The following ZNF98 variants were observed in gnomAD, a reference collection of about 807,000 sequenced individuals.
The protein encoded by ZNF98 is zinc finger protein 739.
Under a neutral mutation model 12.8 loss-of-function variants are expected in ZNF98, and 8 were observed. That is an observed-to-expected ratio of 0.63 (90% CI 0.37 to 1.13). The LOEUF (loss-of-function observed/expected upper bound fraction) is 1.13. Among genes scored for constraint, ZNF98 ranks in the 50% most tolerant of loss-of-function variants. The pLI, the probability that ZNF98 is intolerant of heterozygous loss-of-function variation, is 0.01. For synonymous variants in ZNF98, 112 were observed against 223.5 expected (o/e 0.50, Z 4.45); for missense variants, 379 against 666.1 (o/e 0.57, Z 4.74).
intron 1 of ZNF98, among the ~76,000 whole-genome samples, chr19:22,415,019 TAAAC>T (rs1023646404): frequency 1.3e-5 from 2 of 151,756 alleles, no homozygotes; most frequent in Non-Finnish European, 2.9e-5. Context: ...ATAAGAAACT[TAAAC>T]AAGTTTACAG....
At chr19:22,407,871 A>G (rs1415950043) in intron 1 of ZNF98, among the ~76,000 whole-genome samples, 1 of 151,922 alleles carries the variant, frequency 6.6e-6, no homozygotes, top group African/African-American at 2.4e-5. Flanking sequence ...GGAGTTCGAG[A>G]CCAGCCTGAC....
chr19:22,405,269 TAAA>T (rs71180544), intron 1 of ZNF98, among the ~76,000 whole-genome samples: 47 of 123,564 alleles, frequency 3.8e-4, no homozygotes, highest in Non-Finnish European at 3.6e-4. Flanking sequence ...CATGCTTAGC[TAAA>T]AAAAAAAAAA....
intron 1 of ZNF98, among the ~76,000 whole-genome samples, chr19:22,410,056 C>G (rs1228311192): frequency 6.6e-6 from 1 of 151,914 alleles, no homozygotes; most frequent in African/African-American, 2.4e-5. Context: ...CAATGAGATA[C>G]CATCTCACAC....
At chr19:22,402,545 T>C (rs1378038274) in intron 3 of ZNF98, 1 of 468,890 alleles carries the variant, frequency 2.1e-6, no homozygotes, top group Non-Finnish European at 3.7e-6. Flanking sequence ...AAGAGGGCTG[T>C]CTTGGCTGTC....
intron 1 of ZNF98, among the ~76,000 whole-genome samples, chr19:22,415,103 CAT>C (rs1341020471): frequency 2.0e-5 from 3 of 152,062 alleles, no homozygotes; most frequent in African/African-American, 4.8e-5. Context: ...AGAAGACACA[CAT>C]GTGGCTAACA....
At chr19:22,393,567 AAACAC>A (rs1347835994) in intron 3 of ZNF98, among the ~76,000 whole-genome samples, 1 of 151,976 alleles carries the variant, frequency 6.6e-6, no homozygotes, top group Non-Finnish European at 1.5e-5. Flanking sequence ...AAACCTGACA[AAACAC>A]AAGAAATGGG....
intron 1 of ZNF98, among the ~76,000 whole-genome samples, chr19:22,421,556 G>A (rs531184949): frequency 1.6e-4 from 25 of 152,070 alleles, no homozygotes; most frequent in Non-Finnish European, 3.1e-4. Flanking sequence ...ATGATAAACT[G>A]CCAAGTAAGT....
chr19:22,422,090 T>C lies in ZNF98; in HGVS notation c.30+105A>G, dbSNP rs1253861399. ...AGGCAAGGAGAACTAGGGGCACGGA[T>C]TGTGGAGCTGACAGCGGGGAGGCCT... On this transcript the variant is annotated intron_variant, in intron 1 of 3. Coordinates refer to ENST00000357774, the MANE Select transcript of ZNF98 (RefSeq NM_001098626.2). 10 of 1,406,218 alleles carry C rather than the reference T, an allele frequency of 7.1e-6. No individual in the cohort carries two copies. In the African/African-American group the frequency reaches 1.1e-4, roughly 16 times the overall value. The allele number at this position is 1,406,218 out of a possible 1,614,324, so 87.1% of individuals were successfully genotyped here.
chr19:22,415,618 C>CAA (rs56046308), intron 1 of ZNF98, among the ~76,000 whole-genome samples: 55,472 of 130,338 alleles, frequency 0.43, 12,206 homozygotes, highest in Middle Eastern at 0.57. Flanking sequence ...ACAAAAAATA[C>CAA]AAAAAAAAAA....
intron 1 of ZNF98, among the ~76,000 whole-genome samples, chr19:22,406,441 T>C (rs1599387484): frequency 6.6e-6 from 1 of 151,026 alleles, no homozygotes; most frequent in African/African-American, 2.4e-5. Flanking sequence ...AATAAAAAAG[T>C]CCCCACACTA....
intron 3 of ZNF98, among the ~76,000 whole-genome samples, chr19:22,398,787 G>A (rs886327808): frequency 8.6e-5 from 13 of 151,996 alleles, no homozygotes; most frequent in African/African-American, 3.1e-4. Flanking sequence ...TCACAAAAGT[G>A]TTTCCCTCAC....
chr19:22,409,487 A>G (rs7256749), intron 1 of ZNF98, among the ~76,000 whole-genome samples: 54,273 of 152,090 alleles, frequency 0.36, 11,042 homozygotes, highest in Non-Finnish European at 0.46. Context: ...AGAAACTATC[A>G]TGAGAGTGAA....
At chr19:22,408,924 T>C (rs1969550972) in intron 1 of ZNF98, among the ~76,000 whole-genome samples, 1 of 152,120 alleles carries the variant, frequency 6.6e-6, no homozygotes, top group Admixed American at 6.5e-5. Context: ...TTCACAGAAT[T>C]AGAAAAAACA....
At chr19:22,419,167 A>G (rs943396589) in intron 1 of ZNF98, among the ~76,000 whole-genome samples, 1 of 152,156 alleles carries the variant, frequency 6.6e-6, no homozygotes, top group African/African-American at 2.4e-5. Flanking sequence ...AAGATCTTAT[A>G]GTAGGCATTT....
At chr19:22,421,897 T>C (rs1969708230) in intron 1 of ZNF98, among the ~76,000 whole-genome samples, 4 of 152,154 alleles carry the variant, frequency 2.6e-5, no homozygotes, top group Admixed American at 2.0e-4. Context: ...GACGACCCTC[T>C]CGTGGTCCCT....
chr19:22,392,705 G>GT lies in ZNF98; in HGVS notation c.529dup (p.Thr177AsnfsTer9), dbSNP rs1969343864. 1 of 1,602,970 alleles carries GT rather than the reference G, an allele frequency of 6.2e-7. No individual in the cohort carries two copies. The highest frequency in any genetic ancestry group is 1.3e-5 in the African/African-American group (1 of 74,800). Reference sequence around the variant, plus strand: ...TTTACACTTGAAAGATTTCTTTCCAGTATGTCCTATCTTATGTCTGTTTGA... The same window carrying GT: ...TTTACACTTGAAAGATTTCTTTCCAGTTATGTCCTATCTTATGTCTGTTTGA... On this transcript the variant is annotated frameshift_variant, in exon 4 of 4. Transcript: ENST00000357774. LOFTEE classifies it low-confidence loss of function (END_TRUNC).
chr19:22,408,683 T>C (rs966366029), intron 1 of ZNF98, among the ~76,000 whole-genome samples: 19 of 151,960 alleles, frequency 1.3e-4, no homozygotes, highest in African/African-American at 4.6e-4. Flanking sequence ...TAAATAAACA[T>C]CACAATTGCT....
At chr19:22,395,866 T>C in intron 3 of ZNF98, among the ~76,000 whole-genome samples, 1 of 109,180 alleles carries the variant, frequency 9.2e-6, no homozygotes, top group East Asian at 2.6e-4. Context: ...CACAAAGTCC[T>C]GAGGGGGGGG....
intron 1 of ZNF98, 45 bp downstream of exon 1, chr19:22,422,150 C>T (rs1969711720): frequency 6.2e-7 from 1 of 1,611,974 alleles, no homozygotes; most frequent in African/African-American, 1.3e-5. Flanking sequence ...CCGGTTCCAA[C>T]CAGCCCCTTC....
Sources: gnomAD v4.1 joint callset for allele counts (sites outside exome capture counted in the v4.1 genomes callset) on GRCh38, gnomAD v4.1.1 for gene constraint, MANE v1.5 for transcripts, NCBI Gene and HGNC (gene_info 2026-07-23, HGNC 2026-07-21) for gene names.